PCDH9: variants seen among roughly 807,000 people sequenced by gnomAD.
The protein encoded by PCDH9 is protocadherin-9.
Under a neutral mutation model 70.6 loss-of-function variants are expected in PCDH9, and 24 were observed. The ratio of observed to expected loss-of-function variants is 0.34; its 90% CI spans 0.25 to 0.48. The LOEUF (loss-of-function observed/expected upper bound fraction) is 0.48. PCDH9 is among the 20% of genes least tolerant of loss of function. PCDH9 has a pLI of 0.99. For synonymous variants in PCDH9, 562 were observed against 558.5 expected, an observed-to-expected ratio of 1.01 and a Z score of -0.09; for missense variants, 1,281 against 1,503.6, an observed-to-expected ratio of 0.85 and a Z score of 2.45.
chr13:66,853,604 T>C, intron 3 of PCDH9, among the ~76,000 whole-genome samples: 1 of 152,208 alleles, frequency 6.6e-6, no homozygotes, highest in Non-Finnish European at 1.5e-5. Context: ...GGTGTTCTTT[T>C]TCCAGTGTAG....
At chr13:66,394,310 C>T (rs1430678040) in intron 4 of PCDH9, among the ~76,000 whole-genome samples, 2 of 152,104 alleles carry the variant, frequency 1.3e-5, no homozygotes, top group Non-Finnish European at 1.5e-5. Flanking sequence ...AGATTTCCTT[C>T]TATTAAAAGC....
chr13:66,761,438 C>G (rs980700507), intron 3 of PCDH9, among the ~76,000 whole-genome samples: 1 of 152,102 alleles, frequency 6.6e-6, no homozygotes, highest in African/African-American at 2.4e-5. Flanking sequence ...AAGATTTCTA[C>G]CCCCTTTATC....
At chr13:67,173,505 C>T (rs2088355810) in intron 2 of PCDH9, among the ~76,000 whole-genome samples, 1 of 152,178 alleles carries the variant, frequency 6.6e-6, no homozygotes, top group South Asian at 2.1e-4. Flanking sequence ...CCATTTTCCT[C>T]TCTGTGGCCT....
At chr13:66,690,716 A>T (rs780472271) in intron 3 of PCDH9, among the ~76,000 whole-genome samples, 8 of 152,210 alleles carry the variant, frequency 5.3e-5, no homozygotes, top group Non-Finnish European at 1.0e-4. Flanking sequence ...CAGAGGATAG[A>T]TGTCAAAATC....
chr13:66,456,509 C>T lies in PCDH9; in HGVS notation c.3341-151481G>A, dbSNP rs1955603072. Among the ~76,000 whole-genome samples, 3 of 152,106 alleles carry T rather than the reference C, an allele frequency of 2.0e-5. No homozygotes were observed. In the South Asian group the frequency reaches 6.2e-4, roughly 31 times the overall value. On this transcript the variant is annotated intron_variant, in intron 4 of 4. Transcript: ENST00000377865. ...CTTCTGGCCTCAAGCAATCTTCCCACCTCAACCCCTAAATTGCAGGGATTA... is the reference window on the plus strand; with the variant it reads ...CTTCTGGCCTCAAGCAATCTTCCCATCTCAACCCCTAAATTGCAGGGATTA...
chr13:66,382,095 G>T (rs1033544509), intron 4 of PCDH9, among the ~76,000 whole-genome samples: 5 of 152,114 alleles, frequency 3.3e-5, no homozygotes, highest in African/African-American at 1.2e-4. Context: ...GATGAAAAAG[G>T]GTAGATGAAT....
Position 67,171,060 on chromosome 13 carries a change from C to T in PCDH9, c.3036+54345G>A, listed in dbSNP as rs530355083. ...GTCATAAAGTTTGGCAACTCCTGGC[C>T]GAAATGACTTCTATCTCCTAGATGA... is the stretch of plus-strand genomic sequence containing the variant. On this transcript the variant is annotated intron_variant, in intron 2 of 4. Transcript: ENST00000377865. 2.0e-4 allele frequency among the ~76,000 whole-genome samples: 31 copies of T among 152,190 alleles called. No individual in the cohort carries two copies. In the South Asian group the frequency reaches 6.4e-3, roughly 32 times the overall value.
chr13:66,510,357 A>G (rs890228928), intron 4 of PCDH9, among the ~76,000 whole-genome samples: 6 of 151,590 alleles, frequency 4.0e-5, no homozygotes, highest in Non-Finnish European at 7.4e-5. Context: ...ATTTATATAT[A>G]TATATACATA....
chr13:66,824,090 C>T (rs1280767126), intron 3 of PCDH9, among the ~76,000 whole-genome samples: 1 of 151,778 alleles, frequency 6.6e-6, no homozygotes, highest in East Asian at 1.9e-4. Context: ...CAAAATTAAT[C>T]ATCTCAATAA....
At chr13:66,642,770 A>G (rs1255689581) in intron 3 of PCDH9, among the ~76,000 whole-genome samples, 1 of 151,906 alleles carries the variant, frequency 6.6e-6, no homozygotes, top group African/African-American at 2.4e-5. Context: ...GAGGAATTCC[A>G]ATATAATTGG....
At chr13:66,789,852 T>C (rs2080136801) in intron 3 of PCDH9, among the ~76,000 whole-genome samples, 1 of 152,200 alleles carries the variant, frequency 6.6e-6, no homozygotes, top group South Asian at 2.1e-4. Context: ...GTCTGTCATT[T>C]ACTTGGTGTC....
intron 3 of PCDH9, among the ~76,000 whole-genome samples, chr13:66,642,136 TA>T (rs1228346998): frequency 2.0e-4 from 30 of 152,224 alleles, no homozygotes; most frequent in Admixed American, 1.8e-3. Context: ...GATGCACAAA[TA>T]CCAATACAAA....
At chr13:66,517,712 C>T (rs919025208) in intron 4 of PCDH9, among the ~76,000 whole-genome samples, 2 of 152,124 alleles carry the variant, frequency 1.3e-5, no homozygotes, top group Non-Finnish European at 2.9e-5. Flanking sequence ...AAGATTTAAG[C>T]TCTATTTTAG....
chr13:67,214,870 G>A (rs1003046747), intron 2 of PCDH9: 4 of 144,332 alleles, frequency 2.8e-5, no homozygotes, highest in African/African-American at 1.0e-4. Flanking sequence ...ATGGCAAGCT[G>A]GTATTCTTGG....
intron 3 of PCDH9, among the ~76,000 whole-genome samples, chr13:66,776,244 C>T (rs1411389887): frequency 1.3e-5 from 2 of 150,924 alleles, no homozygotes; most frequent in Non-Finnish European, 1.5e-5. Flanking sequence ...TCTCTCACCG[C>T]TCCTATTCAA....
At chr13:66,353,696 C>T (rs577867483) in intron 4 of PCDH9, among the ~76,000 whole-genome samples, 3 of 152,082 alleles carry the variant, frequency 2.0e-5, no homozygotes, top group Non-Finnish European at 4.4e-5. Flanking sequence ...TTATTTTATA[C>T]AATTTTTTTT....
chr13:66,500,490 T>C (rs576826890), intron 4 of PCDH9, among the ~76,000 whole-genome samples: 105 of 152,210 alleles, frequency 6.9e-4, no homozygotes, highest in African/African-American at 2.4e-3. Flanking sequence ...TTTAACAGGA[T>C]AAGTTTTTTT....
intron 3 of PCDH9, among the ~76,000 whole-genome samples, chr13:66,648,400 G>A (rs1018711434): frequency 2.6e-5 from 4 of 152,170 alleles, no homozygotes; most frequent in Admixed American, 2.6e-4. Context: ...TAAGGGAAGA[G>A]AACAAGATTT....
At chr13:66,913,027 C>T (rs2082495371) in intron 2 of PCDH9, among the ~76,000 whole-genome samples, 1 of 152,072 alleles carries the variant, frequency 6.6e-6, no homozygotes, top group Non-Finnish European at 1.5e-5. Context: ...GCAAGTCAAC[C>T]TTCAGCCAAT....
Sources: allele counts gnomAD v4.1 joint callset (sites outside exome capture counted in the v4.1 genomes callset), GRCh38; gene constraint gnomAD v4.1.1; transcripts MANE v1.5; gene names NCBI Gene and HGNC (gene_info 2026-07-23, HGNC 2026-07-21).